MYO7A: variants seen among roughly 807,000 people sequenced by gnomAD.
MYO7A encodes the protein unconventional myosin-VIIa.
Under a neutral mutation model 263.8 loss-of-function variants are expected in MYO7A, and 210 were observed. The observed-to-expected ratio is 0.80, with a 90% CI of 0.71 to 0.89. The LOEUF is 0.89. MYO7A is among the 40% of genes least tolerant of loss of function. The pLI is 0.00. For missense variants in MYO7A, 2,820 were observed against 2,968.3 expected (o/e 0.95, Z 1.16); for synonymous variants, 1,239 against 1,197.3 (o/e 1.03, Z -0.72).
At chr11:77,130,342 C>G (rs887510403) in intron 1 of MYO7A, among the ~76,000 whole-genome samples, 17 of 152,214 alleles carry the variant, frequency 1.1e-4, no homozygotes, top group Non-Finnish European at 2.2e-4. Context: ...TTCTAGGAGC[C>G]CTTTGGGAAT....
At chr11:77,177,505 A>G (rs782776049) in intron 18 of MYO7A, 44 bp from the exon 19 acceptor site, 1 of 1,491,536 alleles carries the variant, frequency 6.7e-7, no homozygotes, top group Non-Finnish European at 9.2e-7. Context: ...AGGTGGTCCT[A>G]GAGGAGACCT....
chr11:77,174,483 G>A (rs781810189), intron 16 of MYO7A, among the ~76,000 whole-genome samples: 6 of 152,152 alleles, frequency 3.9e-5, no homozygotes, highest in Non-Finnish European at 8.8e-5. Flanking sequence ...TGATAAAGAC[G>A]CCTCCTCCAT....
In MYO7A at chr11:77,201,478, C is replaced by T. The variant is rs375489965; in HGVS notation, c.4883C>T (p.Ala1628Val). ...AGEESGFLSF[A>V]KGDLIILDHD... is the part of the protein sequence containing the mutation. ...GAGGAGTCAGGCTTCCTCAGCTTTG[C>T]CAAGGGAGACCTCATCATCCTGGAC... Residue 1628 changes from alanine to valine, a missense_variant, in exon 36 of 49, where the codon GCC becomes GTC. Coordinates refer to ENST00000409709, the MANE Select transcript of MYO7A (RefSeq NM_000260.4). 2 of 1,613,834 alleles carry T rather than the reference C, an allele frequency of 1.2e-6. No individual in the cohort carries two copies. The highest frequency in any genetic ancestry group is 2.7e-5 in the African/African-American group (2 of 74,934).
intron 30 of MYO7A, 54 bp from the exon 31 acceptor site, chr11:77,191,997 C>A: frequency 1.3e-6 from 2 of 1,514,282 alleles, no homozygotes; most frequent in Non-Finnish European, 1.8e-6. Flanking sequence ...CGTTGAGGCT[C>A]CTCATAGTCC....
chr11:77,156,496 G>T (rs782653235), intron 5 of MYO7A, among the ~76,000 whole-genome samples, 164 bp from the exon 6 acceptor site: 4 of 152,218 alleles, frequency 2.6e-5, no homozygotes, highest in Non-Finnish European at 5.9e-5. Flanking sequence ...GGAGAGTGCG[G>T]TGGAGCACTG....
At chr11:77,150,066 C>A (rs1325451396) in intron 4 of MYO7A, among the ~76,000 whole-genome samples, 1 of 152,218 alleles carries the variant, frequency 6.6e-6, no homozygotes, top group Non-Finnish European at 1.5e-5. Flanking sequence ...GAGCAGGGAG[C>A]CTGTCCACCT....
intron 8 of MYO7A, 69 bp from the exon 9 acceptor site, chr11:77,158,208 G>A: frequency 6.8e-7 from 1 of 1,463,630 alleles, no homozygotes; most frequent in Non-Finnish European, 9.1e-7. Flanking sequence ...TGGGCAGGCA[G>A]CCAGGCACTG....
intron 4 of MYO7A, among the ~76,000 whole-genome samples, chr11:77,151,255 G>T (rs554826179): frequency 2.1e-4 from 32 of 152,370 alleles, no homozygotes; most frequent in Non-Finnish European, 2.8e-4. Context: ...CTAACGCTGA[G>T]CAGAGGCTGG....
chr11:77,153,416 G>A lies in MYO7A; in HGVS notation c.286-2491G>A, dbSNP rs1280955474. Among the ~76,000 whole-genome samples, 5 of 152,142 alleles carry A rather than the reference G, an allele frequency of 3.3e-5. No individual in the cohort carries two copies. The East Asian group carries it at 9.6e-4, about 29-fold the overall frequency. ...GAGTAGGGACATCAGGAGGCTCAGG[G>A]CTGAAGGGTTCATGTGCAGGAGGAC... On this transcript the variant is annotated intron_variant, in intron 4 of 48. Transcript: ENST00000409709.
At chr11:77,200,178 G>A (rs1956967654) in intron 35 of MYO7A, among the ~76,000 whole-genome samples, 1 of 152,024 alleles carries the variant, frequency 6.6e-6, no homozygotes, top group Non-Finnish European at 1.5e-5. Flanking sequence ...GGCTGAGGTA[G>A]AAGGATTACT....
In MYO7A at chr11:77,201,511, C is replaced by T. The variant is rs200848641; in HGVS notation, c.4916C>T (p.Thr1639Met). Residue 1639 changes from threonine to methionine, a missense_variant, in exon 36 of 49, where the codon ACG becomes ATG. Thr to Met is a moderately conservative substitution (Grantham distance 81, BLOSUM62 -1). Coordinates refer to ENST00000409709, the MANE Select transcript of MYO7A (RefSeq NM_000260.4). ...KGDLIILDHDTGEQVMNSGWA... is the reference protein window; with the variant it reads ...KGDLIILDHDMGEQVMNSGWA... Reference sequence around the variant, plus strand: ...GACCTCATCATCCTGGACCATGACACGGGCGAGCAGGTCATGAACTCGGGC... The same window carrying T: ...GACCTCATCATCCTGGACCATGACATGGGCGAGCAGGTCATGAACTCGGGC... 1.1e-4 allele frequency: 185 copies of T among 1,613,940 alleles called. No individual in the cohort carries two copies. The African/African-American group carries it at 2.0e-3, about 17-fold the overall frequency.
intron 31 of MYO7A, among the ~76,000 whole-genome samples, chr11:77,193,231 G>T: frequency 7.1e-6 from 1 of 140,896 alleles, no homozygotes; most frequent in Non-Finnish European, 1.6e-5. Context: ...TGGTAATATT[G>T]GAGGTAGGGA....
rs1957126393 is a variant in MYO7A at position 77,202,398 on chromosome 11, G to A, written c.5142G>A (p.Leu1714=). The A allele has an allele frequency of 1.9e-6, 3 of 1,554,016 alleles. No homozygotes were observed. Among genetic ancestry groups the A allele is most frequent in the Admixed American group, 3.9e-5 (2 of 51,320 alleles). ...EPEVRAKPYT[L]EEFSYDYFRP... Reference sequence around the variant, plus strand: ...AGGTGCGTGCCAAGCCCTACACGCTGGAGGAGTTTTCCTATGACTACTTCA... The same window carrying A: ...AGGTGCGTGCCAAGCCCTACACGCTAGAGGAGTTTTCCTATGACTACTTCA... The change falls in exon 37 of 49, where the codon CTG becomes CTA. Residue 1714 remains leucine, a synonymous_variant. Transcript: ENST00000409709.
At chr11:77,142,931 C>G in intron 3 of MYO7A, 109 bp downstream of exon 3, 1 of 898,508 alleles carries the variant, frequency 1.1e-6, no homozygotes, top group East Asian at 2.7e-5. Context: ...CATGCCCATG[C>G]CCCCACTTCT....
chr11:77,207,094 G>A (rs544726929), intron 41 of MYO7A, 195 bp from the exon 42 acceptor site: 8 of 505,540 alleles, frequency 1.6e-5, no homozygotes, highest in East Asian at 6.3e-5. Flanking sequence ...TTGGAGAGTC[G>A]GGAGGAGGAG....
At position 77,177,586 on chromosome 11, in the gene MYO7A, A is replaced by C; in HGVS notation, c.2225A>C (p.Lys742Thr). 1 of 1,612,292 alleles carries C rather than the reference A, an allele frequency of 6.2e-7. No homozygotes were observed. Among genetic ancestry groups the C allele is most frequent in the Non-Finnish European group, 8.5e-7 (1 of 1,179,468 alleles). Reference sequence around the variant, plus strand: ...ATGCTGCTGGAAGTGGAGCGGGACAAAGCCATCACCGACAGAGTCATCCTC... The same window carrying C: ...ATGCTGCTGGAAGTGGAGCGGGACACAGCCATCACCGACAGAGTCATCCTC... ...HDMLLEVERD[K>T]AITDRVILLQ... The change falls in exon 19 of 49, where the codon AAA becomes ACA. Residue 742 changes from lysine (K) to threonine (T), a missense_variant. Physicochemically the swap from Lys to Thr is moderately conservative, Grantham distance 78 (BLOSUM62 -1). Transcript: ENST00000409709.
At chr11:77,203,635 G>A (rs1006709716) in intron 38 of MYO7A, among the ~76,000 whole-genome samples, 1 of 152,194 alleles carries the variant, frequency 6.6e-6, no homozygotes, top group African/African-American at 2.4e-5. Flanking sequence ...ACTTAGCCAG[G>A]CAAAGGGGAG....
intron 32 of MYO7A, 150 bp from the exon 33 acceptor site, chr11:77,197,331 C>A: frequency 1.7e-6 from 1 of 601,538 alleles, no homozygotes; most frequent in Non-Finnish European, 2.9e-6. Context: ...GACAGGGTGG[C>A]TGCAGACAGA....
At chr11:77,213,735 G>T in intron 47 of MYO7A, 125 bp from the exon 48 acceptor site, 1 of 1,379,680 alleles carries the variant, frequency 7.2e-7, no homozygotes, top group South Asian at 1.3e-5. Flanking sequence ...CTGGATGGCA[G>T]AGCTGGCTTT....
Sources: allele counts gnomAD v4.1 joint callset (sites outside exome capture counted in the v4.1 genomes callset), GRCh38; gene constraint gnomAD v4.1.1; transcripts MANE v1.5; gene names NCBI Gene and HGNC (gene_info 2026-07-23, HGNC 2026-07-21).